The following GNAL variants were observed in gnomAD, a reference collection of about 807,000 sequenced individuals.
GNAL encodes the protein guanine nucleotide-binding protein G(olf) subunit alpha.
Under a neutral mutation model 55.1 loss-of-function variants are expected in GNAL, and 18 were observed. That is an observed-to-expected ratio of 0.33 (90% CI 0.23 to 0.48). GNAL has a LOEUF of 0.48. Ranked by LOEUF, GNAL falls within the 20% of genes least tolerant of loss-of-function variation. GNAL has a pLI of 0.99. For synonymous variants in GNAL, 253 were observed against 237.0 expected (o/e 1.07, Z -0.62); for missense variants, 412 against 614.1 (o/e 0.67, Z 3.48).
At chr18:11,765,716 A>G (rs2033384838) in intron 4 of GNAL, among the ~76,000 whole-genome samples, 1 of 152,198 alleles carries the variant, frequency 6.6e-6, no homozygotes, top group Admixed American at 6.5e-5. Context: ...CGTTCTATCC[A>G]TGTTGCTGCA....
intron 4 of GNAL, among the ~76,000 whole-genome samples, chr18:11,799,343 C>T (rs1335572462): frequency 1.3e-5 from 2 of 152,104 alleles, no homozygotes; most frequent in East Asian, 1.9e-4. Flanking sequence ...CATTTTTGAA[C>T]GCCTTCCATG....
intron 1 of GNAL, among the ~76,000 whole-genome samples, chr18:11,741,627 A>G (rs1297530454): frequency 6.6e-6 from 1 of 152,180 alleles, no homozygotes; most frequent in Non-Finnish European, 1.5e-5. Context: ...TAGGTGTTCA[A>G]AGAATGCTTT....
At chr18:11,795,067 T>C (rs933765945) in intron 4 of GNAL, among the ~76,000 whole-genome samples, 1 of 152,034 alleles carries the variant, frequency 6.6e-6, no homozygotes, top group African/African-American at 2.4e-5. Context: ...GGTCTTGAAC[T>C]GCTGACCTCA....
In GNAL at chr18:11,865,627, C is replaced by T. The variant is rs1381736289; in HGVS notation, c.851+1021C>T. 4.1e-5 allele frequency among the ~76,000 whole-genome samples: 6 copies of T among 146,756 alleles called. 1 individual carries two copies. The highest frequency in any genetic ancestry group is 1.6e-4 in the African/African-American group (6 of 37,304). On this transcript the variant is annotated intron_variant, in intron 7 of 11. Coordinates refer to ENST00000334049, the MANE Select transcript of GNAL (RefSeq NM_182978.4). ...AAAATTAGCCAAGCTTGATGGCATACACCTGTGGTCCTAGCTACTCAGGAG... is the reference window on the plus strand; with the variant it reads ...AAAATTAGCCAAGCTTGATGGCATATACCTGTGGTCCTAGCTACTCAGGAG...
At chr18:11,733,586 AATACT>A (rs764471971) in intron 1 of GNAL, among the ~76,000 whole-genome samples, 7 of 152,208 alleles carry the variant, frequency 4.6e-5, no homozygotes, top group Non-Finnish European at 1.0e-4. Flanking sequence ...TACACTATGG[AATACT>A]ATTCAGCTGT....
intron 5 of GNAL, among the ~76,000 whole-genome samples, chr18:11,858,886 G>T (rs1325566519): frequency 6.6e-6 from 1 of 152,132 alleles, no homozygotes; most frequent in Non-Finnish European, 1.5e-5. Context: ...GACAGGAGAA[G>T]ACCCACCAGC....
chr18:11,860,224 CT>C (rs565784912), intron 5 of GNAL, among the ~76,000 whole-genome samples: 102 of 152,288 alleles, frequency 6.7e-4, no homozygotes, highest in South Asian at 1.2e-3. Context: ...ACTCCTGCCC[CT>C]TTGTGTATTC....
At chr18:11,846,430 T>C (rs1271848820) in intron 5 of GNAL, among the ~76,000 whole-genome samples, 1 of 138,610 alleles carries the variant, frequency 7.2e-6, no homozygotes, top group East Asian at 2.1e-4. Flanking sequence ...TAAATACATA[T>C]ATAAATATAT....
intron 5 of GNAL, among the ~76,000 whole-genome samples, chr18:11,840,705 A>G (rs1042898220): frequency 2.6e-5 from 4 of 152,112 alleles, no homozygotes; most frequent in Non-Finnish European, 2.9e-5. Flanking sequence ...GACCTGGTGG[A>G]CGTATTCGGG....
chr18:11,836,166 C>T (rs927387174), intron 5 of GNAL, among the ~76,000 whole-genome samples: 9 of 150,402 alleles, frequency 6.0e-5, no homozygotes, highest in African/African-American at 1.7e-4. Flanking sequence ...ACTAATAGGC[C>T]GGCTGTAGTG....
At chr18:11,880,065 T>A (rs2036630389) in intron 11 of GNAL, among the ~76,000 whole-genome samples, 1 of 151,062 alleles carries the variant, frequency 6.6e-6, no homozygotes, top group Admixed American at 6.6e-5. Flanking sequence ...AAGACCAGCC[T>A]GACCAACATG....
intron 1 of GNAL, among the ~76,000 whole-genome samples, chr18:11,720,939 C>T (rs2032079234): frequency 1.3e-5 from 2 of 152,156 alleles, no homozygotes; most frequent in Admixed American, 1.3e-4. Flanking sequence ...GATTTGCATA[C>T]AGATGCAATT....
intron 1 of GNAL, among the ~76,000 whole-genome samples, chr18:11,711,227 G>C (rs1404868178): frequency 6.6e-6 from 1 of 152,178 alleles, no homozygotes; most frequent in African/African-American, 2.4e-5. Flanking sequence ...TGAGCTTCAT[G>C]AATCCGGATA....
rs537639778 is a variant in GNAL at position 11,824,230 on chromosome 18, T to TTA, written c.625-685_625-684dup. Among the ~76,000 whole-genome samples, 11 of 145,104 alleles carry TTA rather than the reference T, an allele frequency of 7.6e-5. No individual in the cohort carries two copies. In the East Asian group the frequency reaches 2.4e-3, roughly 31 times the overall value. ...ACAGAAGCTAAGACAAAACTTGTCC[T>TTA]TATAATATGCATGTTTTTTTCATGG... On this transcript the variant is annotated intron_variant, in intron 4 of 11. Transcript: ENST00000334049.
At chr18:11,711,603 T>A (rs1021651641) in intron 1 of GNAL, among the ~76,000 whole-genome samples, 2 of 152,218 alleles carry the variant, frequency 1.3e-5, no homozygotes, top group African/African-American at 4.8e-5. Flanking sequence ...TCTAATTTTA[T>A]GCATACATAG....
At chr18:11,838,541 C>T (rs780948373) in intron 5 of GNAL, among the ~76,000 whole-genome samples, 83 of 152,208 alleles carry the variant, frequency 5.5e-4, no homozygotes, top group Non-Finnish European at 1.0e-3. Context: ...TCAAGACTCC[C>T]TGTTGCAACT....
chr18:11,845,020 C>T (rs1050230903), intron 5 of GNAL, among the ~76,000 whole-genome samples: 16 of 152,094 alleles, frequency 1.1e-4, no homozygotes, highest in Admixed American at 5.2e-4. Context: ...CATGTGCCAC[C>T]ACACCCGGCT....
intron 4 of GNAL, among the ~76,000 whole-genome samples, chr18:11,807,594 T>C (rs1433993490): frequency 6.6e-6 from 1 of 152,256 alleles, no homozygotes; most frequent in African/African-American, 2.4e-5. Flanking sequence ...TGCTGAGTTG[T>C]AGTTGCCTGT....
At chr18:11,845,691 G>A (rs768007042) in intron 5 of GNAL, among the ~76,000 whole-genome samples, 7 of 151,536 alleles carry the variant, frequency 4.6e-5, no homozygotes, top group African/African-American at 9.7e-5. Flanking sequence ...GCGCCACTCC[G>A]GGTAACAGAG....
Sources: gnomAD v4.1 joint callset for allele counts (sites outside exome capture counted in the v4.1 genomes callset) on GRCh38, gnomAD v4.1.1 for gene constraint, MANE v1.5 for transcripts, NCBI Gene and HGNC (gene_info 2026-07-23, HGNC 2026-07-21) for gene names.